Variants in CPA4 observed in about 807,000 individuals in gnomAD.
CPA4 encodes carboxypeptidase A3.
Under a neutral mutation model 54.7 loss-of-function variants are expected in CPA4, and 49 were observed. The observed-to-expected ratio is 0.90, with a 90% CI of 0.71 to 1.14. The LOEUF (loss-of-function observed/expected upper bound fraction) is 1.14. Among genes scored for constraint, CPA4 ranks in the 50% most tolerant of loss-of-function variants. The pLI, the probability that CPA4 is intolerant of heterozygous loss-of-function variation, is 0.00. For synonymous variants in CPA4, 215 were observed against 206.8 expected (o/e 1.04, Z -0.34); for missense variants, 487 against 525.1 (o/e 0.93, Z 0.71).
At chr7:130,314,585 A>T (rs1280780806) in intron 10 of CPA4, among the ~76,000 whole-genome samples, 1 of 152,230 alleles carries the variant, frequency 6.6e-6, no homozygotes, top group Non-Finnish European at 1.5e-5. Flanking sequence ...AGCAAGAGGG[A>T]TCGTGTAAGG....
At chr7:130,311,443 AG>A (rs1562931442) in intron 9 of CPA4, among the ~76,000 whole-genome samples, 122 of 152,304 alleles carry the variant, frequency 8.0e-4, no homozygotes, top group African/African-American at 2.7e-3. Flanking sequence ...GTGGCTGCCC[AG>A]GCTCACAGCC....
At chr7:130,309,987 G>A (rs1793886355) in intron 8 of CPA4, among the ~76,000 whole-genome samples, 1 of 152,162 alleles carries the variant, frequency 6.6e-6, no homozygotes, top group Non-Finnish European at 1.5e-5. Flanking sequence ...GACTGGTCTT[G>A]AACTTCTGGG....
At chr7:130,316,284 G>T (rs766118074) in intron 10 of CPA4, among the ~76,000 whole-genome samples, 2 of 152,216 alleles carry the variant, frequency 1.3e-5, no homozygotes, top group Non-Finnish European at 2.9e-5. Context: ...CTGTGAGATA[G>T]CCCTGCTTGC....
rs541860803 is a variant in CPA4 at position 130,294,052 on chromosome 7, C to T, written c.68+804C>T. Among the ~76,000 whole-genome samples the T allele has an allele frequency of 1.4e-4, 22 of 152,232 alleles. No individual in the cohort carries two copies. The South Asian group carries it at 4.6e-3, about 32-fold the overall frequency. On this transcript the variant is annotated intron_variant, in intron 1 of 10. Transcript: ENST00000222482. ...AACTCATTACTGCATAATACTTTAC[C>T]ATTTGCAAAGAGCTTTCATGTACAT...
At chr7:130,314,283 G>C (rs931542452) in intron 10 of CPA4, among the ~76,000 whole-genome samples, 2 of 152,168 alleles carry the variant, frequency 1.3e-5, no homozygotes, top group South Asian at 4.1e-4. Context: ...GTTGTAAAAC[G>C]GGGGTGTGTT....
intron 9 of CPA4, among the ~76,000 whole-genome samples, chr7:130,311,508 G>A (rs572464578): frequency 6.6e-6 from 1 of 152,254 alleles, no homozygotes; most frequent in East Asian, 1.9e-4. Flanking sequence ...GCAAAGTGCG[G>A]GCTTGATTCT....
intron 8 of CPA4, 72 bp downstream of exon 8, chr7:130,308,469 G>A (rs1490865001): frequency 1.2e-5 from 15 of 1,259,140 alleles, no homozygotes; most frequent in Admixed American, 8.6e-5. Flanking sequence ...GCTCTGAGCT[G>A]GCCGGGACGG....
At chr7:130,312,759 G>A (rs1272674576) in intron 10 of CPA4, among the ~76,000 whole-genome samples, 2 of 152,158 alleles carry the variant, frequency 1.3e-5, no homozygotes, top group Non-Finnish European at 2.9e-5. Flanking sequence ...TTTCAGTCAG[G>A]AGTGTTCTGT....
chr7:130,305,424 A>C (rs1793804043), intron 5 of CPA4, among the ~76,000 whole-genome samples: 1 of 152,198 alleles, frequency 6.6e-6, no homozygotes, highest in Non-Finnish European at 1.5e-5. Flanking sequence ...TTCTTAGTTT[A>C]AAACCAAATT....
At chr7:130,317,092 T>C (rs2117162081) in intron 10 of CPA4, among the ~76,000 whole-genome samples, 1 of 152,118 alleles carries the variant, frequency 6.6e-6, no homozygotes, top group South Asian at 2.1e-4. Flanking sequence ...GAGAAGAAAA[T>C]ACCTGAAGGG....
chr7:130,317,721 C>T (rs756448668), intron 10 of CPA4, among the ~76,000 whole-genome samples: 3 of 152,200 alleles, frequency 2.0e-5, no homozygotes, highest in Non-Finnish European at 4.4e-5. Context: ...TCTGTCTCAG[C>T]CTCCCAAAGT....
At chr7:130,311,695 C>T (rs187927050) in intron 9 of CPA4, among the ~76,000 whole-genome samples, 32 of 152,226 alleles carry the variant, frequency 2.1e-4, no homozygotes, top group Non-Finnish European at 3.4e-4. Flanking sequence ...TAGGTGAAGA[C>T]GGTGGTGCCT....
rs1584751322 is a variant in CPA4 at position 130,310,235 on chromosome 7, C to T, written c.794-552C>T. ...TGGGGTGGTTTCAGTCACATTCATA[C>T]ACACACACACGCACACACACACGTA... On this transcript the variant is annotated intron_variant, in intron 8 of 10. Coordinates refer to ENST00000222482, the MANE Select transcript of CPA4 (RefSeq NM_016352.4). The surrounding 1 kb of genome is among the most constrained non-coding windows in gnomAD (Gnocchi z 4.3). 7.5e-6 allele frequency among the ~76,000 whole-genome samples: 1 copy of T among 132,750 alleles called. No individual in the cohort carries two copies. Among genetic ancestry groups the T allele is most frequent in the East Asian group, 1.9e-4 (1 of 5,178 alleles). The allele number at this position is 132,750 out of a possible 152,430, so 87.1% of individuals were successfully genotyped here.
At position 130,305,834 on chromosome 7, in the gene CPA4, G is replaced by A. The variant is rs575286796; in HGVS notation, c.505G>A (p.Val169Met). The A allele has an allele frequency of 9.3e-6, 15 of 1,614,192 alleles. 1 individual carries two copies. The highest frequency in any genetic ancestry group is 5.5e-5 in the South Asian group (5 of 91,090). ...TCTGCAGTTCAGCACTGGGAAAGGC[G>A]TGAGGCGGCCGGCCGTTTGGCTGAA... is the stretch of plus-strand genomic sequence containing the variant. ...YVLKFSTGKG[V>M]RRPAVWLNAG... The change falls in exon 6 of 11, where the codon GTG (valine) becomes ATG (methionine). Residue 169 changes from valine to methionine, a missense_variant. Coordinates refer to ENST00000222482, the MANE Select transcript of CPA4 (RefSeq NM_016352.4).
At chr7:130,300,755 A>C (rs928959225) in intron 3 of CPA4, 61 bp from the exon 4 acceptor site, 4 of 1,188,736 alleles carry the variant, frequency 3.4e-6, no homozygotes, top group Admixed American at 1.7e-5. Context: ...AAGATATGGC[A>C]GAAAAAACAT....
Position 130,323,892 on chromosome 7 carries a change from GGTTTGT to G in CPA4, c.*1219_*1224del, listed in dbSNP as rs1016975830. ...GGTGTATCCTGTGTTTCCTTGTCCT[GGTTTGT>G]GTGTGTGTGTGTGTGTGTGTGTGTG... On this transcript the variant is annotated 3_prime_UTR_variant, in exon 11 of 11. Coordinates refer to ENST00000222482, the MANE Select transcript of CPA4 (RefSeq NM_016352.4). 3.2e-5 allele frequency: 4 copies of G among 124,024 alleles called. No homozygotes were observed. Among genetic ancestry groups the G allele is most frequent in the African/African-American group, 1.3e-4 (4 of 31,064 alleles). The allele number at this position is 124,024 out of a possible 1,614,324, so 7.7% of individuals were successfully genotyped here. A position where few individuals can be genotyped will look rare whatever the true frequency, so the allele number is the denominator to read the frequency against.
chr7:130,302,258 GGGCA>G (rs1334750724), intron 4 of CPA4, among the ~76,000 whole-genome samples: 1 of 152,094 alleles, frequency 6.6e-6, no homozygotes, highest in Non-Finnish European at 1.5e-5. Context: ...AGGCCGAGGT[GGGCA>G]GATCACTTGA....
rs530093525 is a variant in CPA4, at chr7:130,299,210, C to A, written c.151-60C>A. The A allele has an allele frequency of 9.2e-5, 142 of 1,543,706 alleles. 3 individuals are homozygous for A. In the Admixed American group the frequency reaches 1.2e-3, roughly 13 times the overall value. On this transcript the variant is annotated intron_variant, in intron 2 of 10. Coordinates refer to ENST00000222482, the MANE Select transcript of CPA4 (RefSeq NM_016352.4). ...TTTTGGCAGTGTTCTAGAAGAATAA[C>A]CTCATTGTGCATTTTACCTGAACGG... is the stretch of plus-strand genomic sequence containing the variant.
intron 1 of CPA4, among the ~76,000 whole-genome samples, chr7:130,296,008 A>G (rs1260494936): frequency 6.6e-6 from 1 of 152,324 alleles, no homozygotes; most frequent in Middle Eastern, 3.4e-3. Context: ...AATGCTACCC[A>G]CTACCACAAC....
Sources: allele counts gnomAD v4.1 joint callset (sites outside exome capture counted in the v4.1 genomes callset), GRCh38; gene constraint gnomAD v4.1.1; non-coding constraint Gnocchi (gnomAD v3.1); transcripts MANE v1.5; gene names NCBI Gene and HGNC (gene_info 2026-07-23, HGNC 2026-07-21).